GNAS-AS1: variants seen among roughly 807,000 people sequenced by gnomAD.
The protein encoded by GNAS-AS1 is GNAS antisense RNA 1 (non-protein coding).
chr20:58,822,249 C>G (rs1365663330), intron 4 of GNAS-AS1, among the ~76,000 whole-genome samples: 1 of 152,138 alleles, frequency 6.6e-6, no homozygotes, highest in Non-Finnish European at 1.5e-5. Flanking sequence ...TGATGATGAC[C>G]CTTGTTTCTT....
chr20:58,819,936 G>A (rs1284469573), intron 4 of GNAS-AS1, among the ~76,000 whole-genome samples: 1 of 152,194 alleles, frequency 6.6e-6, no homozygotes, highest in African/African-American at 2.4e-5. Context: ...AGGGCAAAGG[G>A]GTCCTCGCAC....
At chr20:58,826,422 A>G (rs1445547069) in intron 4 of GNAS-AS1, among the ~76,000 whole-genome samples, 1 of 152,162 alleles carries the variant, frequency 6.6e-6, no homozygotes, top group Non-Finnish European at 1.5e-5. Context: ...AACCCTAGTT[A>G]TACACCATGA....
intron 2 of GNAS-AS1, among the ~76,000 whole-genome samples, chr20:58,845,036 G>A (rs1300993784): frequency 5.7e-5 from 2 of 35,398 alleles, no homozygotes; most frequent in Non-Finnish European, 1.9e-4. Context: ...TGTGTTTTAC[G>A]TGTGTGTGTG....
chr20:58,825,391 G>A (rs1426735768), intron 4 of GNAS-AS1, among the ~76,000 whole-genome samples: 1 of 152,214 alleles, frequency 6.6e-6, no homozygotes, highest in Non-Finnish European at 1.5e-5. Flanking sequence ...ATGGGGACAG[G>A]ATCAAGGAGG....
intron 4 of GNAS-AS1, chr20:58,826,195 A>G (rs1394974970): frequency 1.3e-5 from 5 of 398,016 alleles, no homozygotes; most frequent in Non-Finnish European, 2.2e-5. Flanking sequence ...GCTAATAATA[A>G]TAACATTAAT....
Position 58,841,336 on chromosome 20 carries a change from T to C in GNAS-AS1, n.819+601A>G. On this transcript the variant is annotated intron_variant and non_coding_transcript_variant, in intron 4 of 4. Transcript: ENST00000424094. This position sits in a 1 kb window ranked among gnomAD's most constrained non-coding sequence, Gnocchi z 5.0. ...GAGGTGCGCGCGCCAACTTTCACGA[T>C]GTGAGAGCAGCCGCGCTGTAGAGAC... is the stretch of plus-strand genomic sequence containing the variant. 1.9e-6 allele frequency: 2 copies of C among 1,057,334 alleles called. No individual in the cohort carries two copies. The highest frequency in any genetic ancestry group is 2.3e-6 in the Non-Finnish European group (2 of 874,348). The allele number at this position is 1,057,334 out of a possible 1,614,324, so 65.5% of individuals were successfully genotyped here.
intron 1 of GNAS-AS1, among the ~76,000 whole-genome samples, chr20:58,850,045 T>G (rs907768194): frequency 3.3e-5 from 5 of 152,046 alleles, no homozygotes; most frequent in Admixed American, 6.5e-5. Context: ...CCAGCCAAGG[T>G]GGCCAGTTGT....
At chr20:58,839,040 G>A (rs1395232670) in intron 4 of GNAS-AS1, 25 of 398,216 alleles carry the variant, frequency 6.3e-5, no homozygotes, top group Non-Finnish European at 1.1e-4. Context: ...TGAGAGCGCA[G>A]GAAAGACTTC....
rs775901436 is a variant in GNAS-AS1 at position 58,840,257 on chromosome 20, C to A, written n.819+1680G>T. ...CCGCGCCCTTGCCACCTCCAACGCC[C>A]GTGCCCAGCAGCGCGCGGCTGCCCA... is the stretch of plus-strand genomic sequence containing the variant. On this transcript the variant is annotated intron_variant and non_coding_transcript_variant, in intron 4 of 4. Coordinates refer to ENST00000424094, the Ensembl canonical transcript of GNAS-AS1. The surrounding 1 kb of genome is among the most constrained non-coding windows in gnomAD (Gnocchi z 6.0). 2 of 1,611,510 alleles carry A rather than the reference C, an allele frequency of 1.2e-6. No individual in the cohort carries two copies. The highest frequency in any genetic ancestry group is 1.3e-5 in the African/African-American group (1 of 74,944).
chr20:58,832,918 T>C (rs2085576706), intron 4 of GNAS-AS1, among the ~76,000 whole-genome samples: 1 of 152,232 alleles, frequency 6.6e-6, no homozygotes, highest in African/African-American at 2.4e-5. Context: ...AATCACACTT[T>C]GGAAGTTAAT....
At chr20:58,843,164 C>A (rs1396692561) in intron 2 of GNAS-AS1, among the ~76,000 whole-genome samples, 1 of 151,966 alleles carries the variant, frequency 6.6e-6, no homozygotes, top group East Asian at 1.9e-4. Context: ...CTGTTACCTA[C>A]CGGCACACAC....
At chr20:58,846,549 T>C (rs185857519) in intron 2 of GNAS-AS1, among the ~76,000 whole-genome samples, 158 of 152,368 alleles carry the variant, frequency 1.0e-3, no homozygotes, top group Non-Finnish European at 2.5e-4. Flanking sequence ...TCTAGCTGTC[T>C]AGCTCCAAGG....
chr20:58,820,566 C>T (rs991031673), intron 4 of GNAS-AS1, among the ~76,000 whole-genome samples: 2 of 152,236 alleles, frequency 1.3e-5, no homozygotes, highest in African/African-American at 2.4e-5. Context: ...CCCAGATGGA[C>T]CCTGTATTAG....
At position 58,841,545 on chromosome 20, in the gene GNAS-AS1, C is replaced by T; in HGVS notation, n.819+392G>A. 2.0e-6 allele frequency: 2 copies of T among 996,772 alleles called. No homozygotes were observed. Among genetic ancestry groups the T allele is most frequent in the Non-Finnish European group, 2.4e-6 (2 of 837,984 alleles). The allele number at this position is 996,772 out of a possible 1,614,324, so 61.7% of individuals were successfully genotyped here. A position where few individuals can be genotyped will look rare whatever the true frequency, so the allele number is the denominator to read the frequency against. Reference sequence around the variant, plus strand: ...GTGCCTCCAGCTGCCGTGCGCCAGCCTTGGCCGCCACAGCCCGCCTCCCGT... The same window carrying T: ...GTGCCTCCAGCTGCCGTGCGCCAGCTTTGGCCGCCACAGCCCGCCTCCCGT... On this transcript the variant is annotated intron_variant and non_coding_transcript_variant, in intron 4 of 4. Coordinates refer to ENST00000424094, the Ensembl canonical transcript of GNAS-AS1. This position sits in a 1 kb window ranked among gnomAD's most constrained non-coding sequence, Gnocchi z 5.0.
At position 58,840,741 on chromosome 20, in the gene GNAS-AS1, A is replaced by C. The variant is rs1197070643; in HGVS notation, n.819+1196T>G. 2 of 1,605,472 alleles carry C rather than the reference A, an allele frequency of 1.2e-6. No individual in the cohort carries two copies. The highest frequency in any genetic ancestry group is 1.3e-5 in the African/African-American group (1 of 74,864). On this transcript the variant is annotated intron_variant and non_coding_transcript_variant, in intron 4 of 4. Coordinates refer to ENST00000424094, the Ensembl canonical transcript of GNAS-AS1. This position sits in a 1 kb window ranked among gnomAD's most constrained non-coding sequence, Gnocchi z 6.0. ...CCCGAAGAGTCGAAGGAGCCCAAGG[A>C]GGAGAAGCAGCGGCGTCGCTGCAAG...
At chr20:58,839,153 T>C (rs1267166125) in intron 4 of GNAS-AS1, 3 of 398,558 alleles carry the variant, frequency 7.5e-6, no homozygotes, top group Non-Finnish European at 8.8e-6. Context: ...TGCAAACTAC[T>C]ACCTCAACCG....
At chr20:58,826,749 C>A (rs930024554) in intron 4 of GNAS-AS1, 3 of 151,606 alleles carry the variant, frequency 2.0e-5, no homozygotes, top group Non-Finnish European at 4.4e-5. Context: ...CAGAGTCTCA[C>A]TCTGCCACCC....
rs761688848 is a variant in GNAS-AS1 at position 58,840,108 on chromosome 20, TGG to T, written n.819+1827_819+1828del. On this transcript the variant is annotated intron_variant and non_coding_transcript_variant, in intron 4 of 4. Coordinates refer to ENST00000424094, the Ensembl canonical transcript of GNAS-AS1. The surrounding 1 kb of genome is among the most constrained non-coding windows in gnomAD (Gnocchi z 6.0). ...GCTTCTCGGTGTGTGCCTAAGAGGATGGATCGGAGGTCCCGGGCTCAGCAGTG... is the reference window on the plus strand; with the variant it reads ...GCTTCTCGGTGTGTGCCTAAGAGGATATCGGAGGTCCCGGGCTCAGCAGTG... 6 of 1,610,390 alleles carry T rather than the reference TGG, an allele frequency of 3.7e-6. No individual in the cohort carries two copies. In the Admixed American group the frequency reaches 1.0e-4, roughly 27 times the overall value.
In GNAS-AS1 at chr20:58,840,490, G is replaced by T. The variant is rs761520412; in HGVS notation, n.819+1447C>A. 1 of 1,613,180 alleles carries T rather than the reference G, an allele frequency of 6.2e-7. No homozygotes were observed. Among genetic ancestry groups the T allele is most frequent in the Non-Finnish European group, 8.5e-7 (1 of 1,179,796 alleles). On this transcript the variant is annotated intron_variant and non_coding_transcript_variant, in intron 4 of 4. Transcript: ENST00000424094. This position sits in a 1 kb window ranked among gnomAD's most constrained non-coding sequence, Gnocchi z 6.0. Reference sequence around the variant, plus strand: ...AGTCCGAGACCGACTTCGAGACCGAGCCTGAGACCGCCCCCACCACTGAGC... The same window carrying T: ...AGTCCGAGACCGACTTCGAGACCGATCCTGAGACCGCCCCCACCACTGAGC...
Sources: gnomAD v4.1 joint callset for allele counts (sites outside exome capture counted in the v4.1 genomes callset) on GRCh38, gnomAD v4.1.1 for gene constraint, Gnocchi (gnomAD v3.1) non-coding constraint, MANE v1.5 for transcripts, NCBI Gene and HGNC (gene_info 2026-07-23, HGNC 2026-07-21) for gene names.